The following FBXO27 variants were observed in gnomAD, a reference collection of about 807,000 sequenced individuals.
The protein encoded by FBXO27 is F-box only protein 27.
Under a neutral mutation model 28.3 loss-of-function variants are expected in FBXO27, and 28 were observed. The ratio of observed to expected loss-of-function variants is 0.99; its 90% CI spans 0.73 to 1.36. The LOEUF is 1.36. Among genes scored for constraint, FBXO27 ranks in the 40% most tolerant of loss-of-function variants. The pLI is 0.00. For missense variants in FBXO27, 388 were observed against 394.1 expected (o/e 0.98, Z 0.13); for synonymous variants, 175 against 167.3 (o/e 1.05, Z -0.36).
chr19:39,006,894 C>T (rs1975737949), intron 2 of FBXO27, among the ~76,000 whole-genome samples: 1 of 151,762 alleles, frequency 6.6e-6, no homozygotes, highest in Non-Finnish European at 1.5e-5. Flanking sequence ...GCCTGGGCAA[C>T]ATAGAGAAAC....
intron 4 of FBXO27, among the ~76,000 whole-genome samples, chr19:39,029,463 C>G (rs1972740316): frequency 6.6e-6 from 1 of 151,296 alleles, no homozygotes; most frequent in South Asian, 2.1e-4. Context: ...TGCTAAGGCC[C>G]CAAATTTCCA....
chr19:39,027,086 C>T, intron 4 of FBXO27, 81 bp from the exon 5 acceptor site: 1 of 1,551,138 alleles, frequency 6.4e-7, no homozygotes, highest in Non-Finnish European at 8.8e-7. Context: ...GAATGCCCTT[C>T]CCATGTGTGC....
downstream of FBXO27, among the ~76,000 whole-genome samples, chr19:39,023,187 C>T (rs143924190): frequency 2.2e-3 from 333 of 152,290 alleles, 1 homozygote; most frequent in African/African-American, 7.5e-3. Flanking sequence ...CCACCTGCCG[C>T]GGTCCCCCAG....
downstream of FBXO27, among the ~76,000 whole-genome samples, chr19:39,019,673 T>C (rs1247102142): frequency 6.6e-6 from 1 of 152,070 alleles, no homozygotes; most frequent in African/African-American, 2.4e-5. Flanking sequence ...AGGCAGCAGA[T>C]GGGTTCCCAG....
chr19:39,019,887 G>C (rs1385804069), downstream of FBXO27, among the ~76,000 whole-genome samples: 1 of 151,934 alleles, frequency 6.6e-6, no homozygotes, highest in Non-Finnish European at 1.5e-5. Flanking sequence ...GAGTAGCTGG[G>C]ATTATAGGTA....
At chr19:39,012,792 T>C (rs1034253037) in intron 2 of FBXO27, among the ~76,000 whole-genome samples, 18 of 151,750 alleles carry the variant, frequency 1.2e-4, no homozygotes, top group Non-Finnish European at 2.2e-4. Context: ...ACCCCGACTC[T>C]ACTAAAAAAA....
rs1377943646 is a variant in FBXO27, at chr19:39,032,322, T to C, written c.-26-69A>G. On this transcript the variant is annotated intron_variant, in intron 1 of 5. Coordinates refer to ENST00000292853, the MANE Select transcript of FBXO27 (RefSeq NM_178820.5). The surrounding 1 kb of genome is among the most constrained non-coding windows in gnomAD (Gnocchi z 4.7). ...CGCGGCGCGCAGCCTCTGCCTGCCC[T>C]GATTCTGCCAGCCGCACCCCCGTCT... 1.3e-5 allele frequency: 18 copies of C among 1,359,030 alleles called. No homozygotes were observed. Among genetic ancestry groups the C allele is most frequent in the Non-Finnish European group, 1.7e-5 (18 of 1,060,964 alleles). The allele number at this position is 1,359,030 out of a possible 1,614,324, so 84.2% of individuals were successfully genotyped here.
intron 4 of FBXO27, among the ~76,000 whole-genome samples, chr19:39,029,426 CAA>C (rs35521168): frequency 2.0e-5 from 2 of 101,740 alleles, no homozygotes; most frequent in African/African-American, 4.0e-5. Flanking sequence ...GACTCTGTCT[CAA>C]AAAAAAAAAA....
chr19:39,014,852 A>G (rs1473829639), intron 1 of FBXO27, among the ~76,000 whole-genome samples: 1 of 151,974 alleles, frequency 6.6e-6, no homozygotes, highest in South Asian at 2.1e-4. Context: ...TTCAAAATGT[A>G]CAAAGAACTC....
chr19:39,008,179 C>A (rs950936712), intron 2 of FBXO27, among the ~76,000 whole-genome samples: 8 of 151,672 alleles, frequency 5.3e-5, no homozygotes, highest in African/African-American at 1.9e-4. Flanking sequence ...GCACAATACT[C>A]ACTTGAACCT....
In FBXO27 at chr19:39,007,808, A is replaced by G. The variant is rs143202824; in HGVS notation, c.252+6579T>C. 3.7e-3 allele frequency among the ~76,000 whole-genome samples: 558 copies of G among 151,934 alleles called. 6 individuals are homozygous for G. The highest frequency in any genetic ancestry group is 8.4e-3 in the Admixed American group (128 of 15,242). On this transcript the variant is annotated intron_variant, in intron 2 of 2. Coordinates refer to the FBXO27 transcript ENST00000598394. ...CGGGCACATGCCACCACGCCTGGCT[A>G]ATTTTTGCATTTTTTGTAGAGATGG...
intron 1 of FBXO27, among the ~76,000 whole-genome samples, chr19:39,015,391 G>A (rs1415594873): frequency 6.7e-6 from 1 of 150,374 alleles, no homozygotes; most frequent in East Asian, 2.0e-4. Context: ...AGCACTTTGG[G>A]AGGCCAAGGC....
At chr19:39,028,055 A>T (rs191101661) in intron 4 of FBXO27, among the ~76,000 whole-genome samples, 145 of 151,880 alleles carry the variant, frequency 9.5e-4, no homozygotes, top group African/African-American at 3.4e-3. Context: ...AGCCTGGCCA[A>T]CATGGTGAAA....
chr19:39,026,445 C>T (rs2072873161), intron 5 of FBXO27, among the ~76,000 whole-genome samples: 1 of 152,142 alleles, frequency 6.6e-6, no homozygotes, highest in South Asian at 2.1e-4. Flanking sequence ...ATTACTGACT[C>T]ACAGAAATCA....
chr19:39,023,173 T>A (rs2072853741), downstream of FBXO27, among the ~76,000 whole-genome samples: 4 of 152,114 alleles, frequency 2.6e-5, no homozygotes, highest in Admixed American at 2.0e-4. Flanking sequence ...TGACCTCAAG[T>A]GATCCACCTG....
chr19:39,017,318 A>G (rs546615228), intron 1 of FBXO27, among the ~76,000 whole-genome samples: 1 of 152,300 alleles, frequency 6.6e-6, no homozygotes, highest in East Asian at 1.9e-4. Context: ...TACACACACA[A>G]TGATTTTTGC....
intron 1 of FBXO27, among the ~76,000 whole-genome samples, chr19:39,018,083 C>T (rs139701989): frequency 2.6e-5 from 4 of 152,260 alleles, no homozygotes; most frequent in Non-Finnish European, 4.4e-5. Context: ...CGGGTTCAAG[C>T]AATCCTCCTG....
At chr19:39,018,721 T>C (rs1376839136) in intron 1 of FBXO27, among the ~76,000 whole-genome samples, 1 of 152,188 alleles carries the variant, frequency 6.6e-6, no homozygotes, top group Non-Finnish European at 1.5e-5. Context: ...GTCACAGTTA[T>C]GCCGGCAAGC....
At chr19:39,006,602 A>C (rs919113347) in intron 2 of FBXO27, among the ~76,000 whole-genome samples, 1 of 151,978 alleles carries the variant, frequency 6.6e-6, no homozygotes, top group African/African-American at 2.4e-5. Context: ...CATCCCGCTA[A>C]CCACAGAGAT....
Sources: gnomAD v4.1 joint callset for allele counts (sites outside exome capture counted in the v4.1 genomes callset) on GRCh38, gnomAD v4.1.1 for gene constraint, Gnocchi (gnomAD v3.1) non-coding constraint, MANE v1.5 for transcripts, NCBI Gene and HGNC (gene_info 2026-07-23, HGNC 2026-07-21) for gene names.